MALT1: variants seen among roughly 807,000 people sequenced by gnomAD.
MALT1 encodes the protein mucosa-associated lymphoid tissue lymphoma translocation protein 1.
Under a neutral mutation model 85.5 loss-of-function variants are expected in MALT1, and 36 were observed. That is an observed-to-expected ratio of 0.42 (90% CI 0.32 to 0.56). The LOEUF (loss-of-function observed/expected upper bound fraction) is 0.56. Among genes scored for constraint, MALT1 ranks in the 20% least tolerant of loss-of-function variants. The probability of loss-of-function intolerance (pLI) is 0.10; values close to 1 mark genes in which losing one functional copy is unlikely to be tolerated. For missense variants in MALT1, 716 were observed against 981.6 expected (o/e 0.73, Z 3.62); for synonymous variants, 359 against 361.3 (o/e 0.99, Z 0.07).
At chr18:58,681,145 C>T (rs746909129) in intron 1 of MALT1, 25 bp from the exon 2 acceptor site, 2 of 1,609,102 alleles carry the variant, frequency 1.2e-6, no homozygotes, top group African/African-American at 2.7e-5. Flanking sequence ...AAGCTGTTGA[C>T]TTGAATTCTT....
chr18:58,707,771 A>G (rs1417531245), intron 4 of MALT1, among the ~76,000 whole-genome samples: 1 of 152,192 alleles, frequency 6.6e-6, no homozygotes, highest in Non-Finnish European at 1.5e-5. Context: ...AATGGCTACT[A>G]GAATAGGGGT....
At chr18:58,704,846 T>TA (rs776717849) in intron 4 of MALT1, among the ~76,000 whole-genome samples, 22 of 152,332 alleles carry the variant, frequency 1.4e-4, no homozygotes, top group Middle Eastern at 3.4e-3. Flanking sequence ...GATGACAGAA[T>TA]ACAGGTAAGT....
In MALT1 at chr18:58,716,036, C is replaced by A. The variant is rs2054894701; in HGVS notation, c.1018+69C>A. 2.6e-6 allele frequency: 3 copies of A among 1,161,922 alleles called. 1 individual carries two copies. The highest frequency in any genetic ancestry group is 2.7e-5 in the South Asian group (2 of 73,752). 72.0% of individuals were successfully genotyped at this position (1,161,922 alleles called of 1,614,324 possible). On this transcript the variant is annotated intron_variant, in intron 9 of 16. Transcript: ENST00000649217. ...GTATAACTCCAGAAGGAATTTAAGACATTTTAATTTGGTTTTTTAAAGAAA... is the reference window on the plus strand; with the variant it reads ...GTATAACTCCAGAAGGAATTTAAGAAATTTTAATTTGGTTTTTTAAAGAAA...
rs76733706 is a variant in MALT1, at chr18:58,700,378, C to T, written c.499-63C>T. On this transcript the variant is annotated intron_variant, in intron 3 of 16. Transcript: ENST00000649217. ...TCATACTGAAATCATAGATTTTGTA[C>T]AGCATATTTTATAAGGTGTGTTTTT... The T allele has an allele frequency of 1.1e-3, 1,348 of 1,273,516 alleles. 21 individuals are homozygous for T. The Admixed American group carries it at 0.029, about 28-fold the overall frequency. The allele number at this position is 1,273,516 out of a possible 1,614,324, so 78.9% of individuals were successfully genotyped here.
intron 7 of MALT1, among the ~76,000 whole-genome samples, chr18:58,711,443 A>G (rs1194358081): frequency 2.0e-5 from 3 of 152,286 alleles, no homozygotes; most frequent in East Asian, 3.9e-4. Flanking sequence ...AATATTCTGT[A>G]TTAATATAAA....
At chr18:58,745,334 G>A (rs1447790172) in intron 15 of MALT1, among the ~76,000 whole-genome samples, 5 of 152,206 alleles carry the variant, frequency 3.3e-5, no homozygotes, top group Non-Finnish European at 7.3e-5. Flanking sequence ...TGATTAAGAG[G>A]AGAGAATCCA....
chr18:58,746,301 G>A (rs1237634111), intron 16 of MALT1, among the ~76,000 whole-genome samples: 1 of 152,140 alleles, frequency 6.6e-6, no homozygotes, highest in Non-Finnish European at 1.5e-5. Flanking sequence ...GTACAGGTGT[G>A]AGCTTCCACT....
chr18:58,672,724 G>A (rs2054183492), intron 1 of MALT1: 1 of 152,182 alleles, frequency 6.6e-6, no homozygotes, highest in African/African-American at 2.4e-5. Context: ...TATTAGAGAA[G>A]TGGCATTGGT....
At chr18:58,703,722 G>T (rs55664115) in intron 4 of MALT1, among the ~76,000 whole-genome samples, 60,318 of 151,994 alleles carry the variant, frequency 0.4, 14,394 homozygotes, top group Non-Finnish European at 0.52. Flanking sequence ...CAACATGTGG[G>T]GATTACAGTT....
intron 10 of MALT1, 55 bp downstream of exon 10, chr18:58,723,306 C>A: frequency 7.3e-7 from 1 of 1,365,810 alleles, no homozygotes; most frequent in Non-Finnish European, 1.0e-6. Flanking sequence ...TTTCATTATA[C>A]AAGTTAGGTT....
intron 9 of MALT1, among the ~76,000 whole-genome samples, chr18:58,721,912 C>A (rs1382262381): frequency 6.6e-6 from 1 of 152,166 alleles, no homozygotes; most frequent in Non-Finnish European, 1.5e-5. Context: ...GCCTGCAGTT[C>A]TACCCAGGCG....
chr18:58,719,100 T>C (rs117883569), intron 9 of MALT1, among the ~76,000 whole-genome samples: 187 of 152,270 alleles, frequency 1.2e-3, no homozygotes, highest in Non-Finnish European at 2.3e-3. Context: ...CACTGCAAAA[T>C]TTACTAGCTT....
intron 2 of MALT1, among the ~76,000 whole-genome samples, chr18:58,683,393 TCA>T: frequency 6.6e-6 from 1 of 152,328 alleles, no homozygotes. Context: ...ATTCTCTACC[TCA>T]CAGAGTTATA....
chr18:58,705,403 C>T (rs1207323511), intron 4 of MALT1, among the ~76,000 whole-genome samples: 1 of 150,592 alleles, frequency 6.6e-6, no homozygotes, highest in Non-Finnish European at 1.5e-5. Context: ...ATACATGTGC[C>T]ATGCTGGTGC....
intron 4 of MALT1, among the ~76,000 whole-genome samples, chr18:58,703,157 G>T (rs918454587): frequency 1.3e-5 from 2 of 152,090 alleles, no homozygotes; most frequent in Non-Finnish European, 2.9e-5. Context: ...GGGAGTTTGA[G>T]ACCAGCCTGA....
Position 58,700,486 on chromosome 18 carries a change from G to C in MALT1, c.544G>C (p.Val182Leu). The part of the protein sequence containing the change: ...TSELIFNAVH[V>L]KDAGFYVCRV... Reference sequence around the variant, plus strand: ...AGAGCTTATTTTTAATGCAGTGCATGTAAAAGATGCAGGCTTTTATGTCTG... The same window carrying C: ...AGAGCTTATTTTTAATGCAGTGCATCTAAAAGATGCAGGCTTTTATGTCTG... Residue 182 changes from valine (V) to leucine (L), a missense_variant, in exon 4 of 17, where the codon GTA becomes CTA. This residue lies in a region of MALT1 where 290 missense variants were observed against 380.5 expected (regional missense o/e 0.76). Transcript: ENST00000649217. 6.2e-7 allele frequency: 1 copy of C among 1,610,492 alleles called. No homozygotes were observed. Among genetic ancestry groups the C allele is most frequent in the Non-Finnish European group, 8.5e-7 (1 of 1,178,894 alleles).
chr18:58,701,819 T>C (rs1187511639), intron 4 of MALT1, among the ~76,000 whole-genome samples: 2 of 152,254 alleles, frequency 1.3e-5, no homozygotes, highest in African/African-American at 4.8e-5. Context: ...CTTGTCTCCC[T>C]ATCTAACTGA....
intron 1 of MALT1, among the ~76,000 whole-genome samples, 196 bp from the exon 2 acceptor site, chr18:58,680,974 G>A (rs1278925710): frequency 6.6e-6 from 1 of 151,902 alleles, no homozygotes; most frequent in East Asian, 1.9e-4. Context: ...GGAGCTGAGT[G>A]GGAGAAGGGA....
chr18:58,733,604 G>T, intron 11 of MALT1, 30 bp downstream of exon 11: 1 of 1,489,140 alleles, frequency 6.7e-7, no homozygotes, highest in Non-Finnish European at 9.2e-7. Context: ...TTAAAGAATT[G>T]TTGGAGTTAA....
Sources: allele counts gnomAD v4.1 joint callset (sites outside exome capture counted in the v4.1 genomes callset), GRCh38; gene constraint gnomAD v4.1.1; regional missense constraint gnomAD v4.1.1; transcripts MANE v1.5; gene names NCBI Gene and HGNC (gene_info 2026-07-23, HGNC 2026-07-21).